SPAG16: variants seen among roughly 807,000 people sequenced by gnomAD.
The protein encoded by SPAG16 is sperm associated antigen 16, also known as sperm-associated antigen 16 protein.
A neutral mutation model predicts 80.4 loss-of-function variants in SPAG16; 86 were observed. The ratio of observed to expected loss-of-function variants is 1.07; its 90% confidence interval spans 0.90 to 1.28. The LOEUF is 1.28. SPAG16 is among the 50% of genes most tolerant of loss of function. The probability of loss-of-function intolerance (pLI) is 0.00; values close to 1 mark genes in which losing one functional copy is unlikely to be tolerated. For synonymous variants in SPAG16, 294 were observed against 265.9 expected (o/e 1.11, Z -1.03); for missense variants, 870 against 765.3 (o/e 1.14, Z -1.61).
chr2:213,397,102 A>C (rs965432761), intron 9 of SPAG16, among the ~76,000 whole-genome samples: 1 of 152,208 alleles, frequency 6.6e-6, no homozygotes, highest in Non-Finnish European at 1.5e-5. Context: ...ATGTTTTAAC[A>C]ATCAACTCTT....
At chr2:213,874,797 G>A (rs1288468542) in intron 11 of SPAG16, among the ~76,000 whole-genome samples, 1 of 152,122 alleles carries the variant, frequency 6.6e-6, no homozygotes, top group Non-Finnish European at 1.5e-5. Context: ...GGATTGTGGG[G>A]ACTATGAAGC....
chr2:213,785,823 A>G (rs978339683), intron 10 of SPAG16, among the ~76,000 whole-genome samples: 2 of 152,096 alleles, frequency 1.3e-5, no homozygotes, highest in Non-Finnish European at 2.9e-5. Flanking sequence ...CCTGGCCAAC[A>G]TGGTGAAACC....
At chr2:213,389,105 A>G (rs1429904325) in intron 9 of SPAG16, among the ~76,000 whole-genome samples, 2 of 152,246 alleles carry the variant, frequency 1.3e-5, no homozygotes, top group Admixed American at 6.5e-5. Context: ...CAGCCCAGAA[A>G]TAAACCCTCA....
chr2:213,646,700 G>A (rs1408326728), intron 10 of SPAG16, among the ~76,000 whole-genome samples: 1 of 152,184 alleles, frequency 6.6e-6, no homozygotes. Flanking sequence ...GCTTTGGAAA[G>A]CAGTTAGATA....
At chr2:213,348,849 A>G (rs950027364) in intron 6 of SPAG16, among the ~76,000 whole-genome samples, 1 of 151,976 alleles carries the variant, frequency 6.6e-6, no homozygotes, top group Non-Finnish European at 1.5e-5. Flanking sequence ...TCTGACAATT[A>G]TGTGTCCTGG....
intron 15 of SPAG16, among the ~76,000 whole-genome samples, chr2:214,303,055 C>CTTTTGT (rs986851695): frequency 1.3e-5 from 2 of 152,086 alleles, no homozygotes; most frequent in African/African-American, 4.8e-5. Context: ...ATAGTTGGGT[C>CTTTTGT]TTTTGTTTTT....
intron 10 of SPAG16, among the ~76,000 whole-genome samples, chr2:213,669,837 A>G (rs143167105): frequency 1.3e-5 from 2 of 152,198 alleles, no homozygotes; most frequent in Admixed American, 6.5e-5. Context: ...ACCTCCTGCA[A>G]TAGAAACTTT....
intron 10 of SPAG16, among the ~76,000 whole-genome samples, chr2:213,529,020 T>C (rs2075979276): frequency 6.6e-6 from 1 of 152,172 alleles, no homozygotes; most frequent in African/African-American, 2.4e-5. Flanking sequence ...AGAATAAGTT[T>C]TACAACAGAT....
At chr2:213,535,624 G>T (rs1252009800) in intron 10 of SPAG16, among the ~76,000 whole-genome samples, 1 of 151,928 alleles carries the variant, frequency 6.6e-6, no homozygotes, top group Non-Finnish European at 1.5e-5. Flanking sequence ...ACAATATTCA[G>T]AACTCTAATT....
At chr2:214,206,847 AT>A (rs2058157816) in intron 15 of SPAG16, among the ~76,000 whole-genome samples, 1 of 152,160 alleles carries the variant, frequency 6.6e-6, no homozygotes. Context: ...ATGAGATAAT[AT>A]CTCATTGTAG....
chr2:213,541,103 T>G (rs1473184563), intron 10 of SPAG16, among the ~76,000 whole-genome samples: 4 of 152,250 alleles, frequency 2.6e-5, no homozygotes, highest in Non-Finnish European at 4.4e-5. Flanking sequence ...TGGTTTTTCC[T>G]TTTTTGACAC....
chr2:213,963,380 T>G (rs535961299), intron 12 of SPAG16, among the ~76,000 whole-genome samples: 264 of 152,288 alleles, frequency 1.7e-3, no homozygotes, highest in African/African-American at 6.2e-3. Context: ...GTTCATTTCC[T>G]TGTGGTCAGA....
intron 13 of SPAG16, among the ~76,000 whole-genome samples, chr2:214,053,816 AT>A (rs2049790738): frequency 6.6e-6 from 1 of 152,230 alleles, no homozygotes; most frequent in African/African-American, 2.4e-5. Context: ...CAAAGCTTAT[AT>A]TCTTTCCATT....
chr2:213,409,244 A>G (rs966088504), intron 9 of SPAG16, among the ~76,000 whole-genome samples: 6 of 152,318 alleles, frequency 3.9e-5, no homozygotes, highest in Admixed American at 1.3e-4. Flanking sequence ...TGTATAATTT[A>G]AAAGTAACTA....
intron 11 of SPAG16, among the ~76,000 whole-genome samples, chr2:213,870,705 A>G (rs971918980): frequency 1.3e-5 from 2 of 152,230 alleles, no homozygotes; most frequent in Non-Finnish European, 2.9e-5. Flanking sequence ...TGGTAAAAAT[A>G]GCATTATTAT....
intron 11 of SPAG16, 87 bp downstream of exon 11, chr2:213,862,715 A>AT: frequency 6.8e-7 from 1 of 1,470,524 alleles, no homozygotes. Context: ...GTCTTTGATG[A>AT]TGTTTTTCTT....
intron 9 of SPAG16, among the ~76,000 whole-genome samples, chr2:213,476,163 T>C (rs2073368365): frequency 6.6e-6 from 1 of 152,214 alleles, no homozygotes; most frequent in Non-Finnish European, 1.5e-5. Flanking sequence ...CAAAAACACT[T>C]GTAACATTGT....
intron 13 of SPAG16, among the ~76,000 whole-genome samples, chr2:214,101,923 T>C (rs1383209490): frequency 6.6e-6 from 1 of 152,114 alleles, no homozygotes; most frequent in Non-Finnish European, 1.5e-5. Flanking sequence ...CTATAGTTGT[T>C]TAAAATGTTA....
chr2:213,894,486 T>C (rs2076911573), intron 11 of SPAG16, among the ~76,000 whole-genome samples: 1 of 152,092 alleles, frequency 6.6e-6, no homozygotes, highest in Non-Finnish European at 1.5e-5. Context: ...GCTAACACTT[T>C]ACTGAATGGG....
Sources: allele counts gnomAD v4.1 joint callset (sites outside exome capture counted in the v4.1 genomes callset), GRCh38; gene constraint gnomAD v4.1.1; transcripts MANE v1.5; gene names NCBI Gene and HGNC (gene_info 2026-07-23, HGNC 2026-07-21).